Variants in ZNF674 observed in about 807,000 individuals in gnomAD.
ZNF674 encodes the protein zinc finger protein 674.
Under a neutral mutation model 7.0 loss-of-function variants are expected in ZNF674, and 2 were observed. The observed-to-expected ratio is 0.29, with a 90% confidence interval of 0.12 to 0.90. The LOEUF (loss-of-function observed/expected upper bound fraction) is 0.90, where lower values mean the gene tolerates loss of function less well. ZNF674 is among the 40% of genes least tolerant of loss of function. The pLI, the probability that ZNF674 is intolerant of heterozygous loss-of-function variation, is 0.57. For missense variants in ZNF674, 297 were observed against 415.5 expected (o/e 0.71, Z 2.48); for synonymous variants, 103 against 145.2 (o/e 0.71, Z 2.09).
chrX:46,519,250 AT>A (rs1320066013), intron 5 of ZNF674, among the ~76,000 whole-genome samples: 4 of 74,946 alleles, frequency 5.3e-5, no homozygotes, highest in African/African-American at 1.0e-4. Flanking sequence ...AGATAGATAG[AT>A]AGATAGATAG....
intron 5 of ZNF674, among the ~76,000 whole-genome samples, chrX:46,509,377 G>A (rs1460670422): frequency 5.4e-5 from 6 of 110,831 alleles, no homozygotes; most frequent in East Asian, 2.8e-4. Context: ...GAACATTTTC[G>A]CAACCTACCC....
rs1942361351 is a variant in ZNF674, at chrX:46,545,414, C to T, written c.-184G>A. 8.8e-6 allele frequency: 1 copy of T among 113,027 alleles called. No homozygotes were observed. Among genetic ancestry groups the T allele is most frequent in the East Asian group, 2.8e-4 (1 of 3,593 alleles). The allele number at this position is 113,027 out of a possible 1,213,427, so 9.3% of individuals were successfully genotyped here. On this transcript the variant is annotated 5_prime_UTR_variant, in exon 1 of 6. Coordinates refer to ENST00000683375, the MANE Select transcript of ZNF674 (RefSeq NM_001190417.2). ...AAACCTCAGGGGCGGATGACAACAG[C>T]CAGTGTGAACGAAGCGCCACCCTCC...
At chrX:46,533,829 A>AATAT (rs1197442802) in intron 3 of ZNF674, among the ~76,000 whole-genome samples, 702 of 65,331 alleles carry the variant, frequency 0.011, 32 homozygotes, top group African/African-American at 0.045. Flanking sequence ...AAAAAAAAAA[A>AATAT]ATATATATAT....
intron 3 of ZNF674, among the ~76,000 whole-genome samples, chrX:46,539,935 T>G (rs1323453935): frequency 9.0e-6 from 1 of 111,153 alleles, no homozygotes; most frequent in Admixed American, 9.6e-5. Flanking sequence ...CACACAGGAG[T>G]GAGCAGACAA....
At position 46,498,153 on chromosome X, in the gene ZNF674, A is replaced by T. The variant is rs1941355579; in HGVS notation, c.*1690T>A. On this transcript the variant is annotated 3_prime_UTR_variant, in exon 6 of 6. Transcript: ENST00000683375. ...TTTCCCAAATTTGCCAGTAGTCTTA[A>T]TTGGTGCATGTTATTTCACCTGACA... 9.0e-6 allele frequency: 1 copy of T among 111,490 alleles called. No individual in the cohort carries two copies. Among genetic ancestry groups the T allele is most frequent in the African/African-American group, 3.3e-5 (1 of 30,715 alleles). The allele number at this position is 111,490 out of a possible 1,213,427, so 9.2% of individuals were successfully genotyped here.
At chrX:46,533,804 C>T (rs1178851539) in intron 3 of ZNF674, among the ~76,000 whole-genome samples, 2 of 64,537 alleles carry the variant, frequency 3.1e-5, no homozygotes, top group Admixed American at 1.9e-4. Flanking sequence ...AGAGTGAGAC[C>T]CTGTCTCAAA....
intron 5 of ZNF674, among the ~76,000 whole-genome samples, chrX:46,518,428 G>A (rs1457185985): frequency 9.0e-6 from 1 of 111,069 alleles, no homozygotes; most frequent in Non-Finnish European, 1.9e-5. Flanking sequence ...GACTATCTTA[G>A]TATCTACAGC....
At chrX:46,515,606 C>A (rs943088621) in intron 5 of ZNF674, among the ~76,000 whole-genome samples, 6 of 110,861 alleles carry the variant, frequency 5.4e-5, no homozygotes, top group African/African-American at 2.0e-4. Flanking sequence ...ACTTACCAAA[C>A]TGTTTGCTTT....
chrX:46,521,101 C>T (rs1372180609), intron 5 of ZNF674, among the ~76,000 whole-genome samples: 5 of 107,761 alleles, frequency 4.6e-5, no homozygotes, highest in Admixed American at 1.0e-4. Context: ...GCGGAAGAAT[C>T]GCTTGAGCCC....
chrX:46,528,270 T>C, intron 5 of ZNF674, 80 bp downstream of exon 5: 2 of 987,281 alleles, frequency 2.0e-6, no homozygotes, highest in Non-Finnish European at 2.9e-6. Context: ...GAAGAGCTCC[T>C]GAGCACATCC....
intron 5 of ZNF674, among the ~76,000 whole-genome samples, chrX:46,519,273 T>TGATTGATAGATA (rs1556015427): frequency 2.3e-4 from 17 of 75,071 alleles, no homozygotes; most frequent in Non-Finnish European, 4.0e-4. Flanking sequence ...TAAAGATAGA[T>TGATTGATAGATA]GATAGATAGA....
chrX:46,543,155 T>C (rs750264680), intron 2 of ZNF674, among the ~76,000 whole-genome samples: 1 of 110,863 alleles, frequency 9.0e-6, no homozygotes, highest in South Asian at 3.8e-4. Context: ...GGTTTCATCA[T>C]GTTGGTCAGG....
At chrX:46,538,452 C>T (rs1942238034) in intron 3 of ZNF674, among the ~76,000 whole-genome samples, 1 of 111,666 alleles carries the variant, frequency 9.0e-6, no homozygotes, top group Admixed American at 9.6e-5. Context: ...AAAATATTTG[C>T]AACATATATG....
chrX:46,527,262 C>CAA (rs555027642), intron 5 of ZNF674, among the ~76,000 whole-genome samples: 6 of 65,569 alleles, frequency 9.2e-5, no homozygotes, highest in Admixed American at 1.8e-4. Context: ...GACTCCATCT[C>CAA]AAAAAAAAAA....
rs56158505 is a variant in ZNF674, at chrX:46,505,768, T to TCACACACACACACA, written c.239-4447_239-4434dup. The stretch of plus-strand genomic sequence containing the variant: ...CCTGGGCTAAAAGAGCAAAACTCTG[T>TCACACACACACACA]CACACACACACACACACACACACAC... On this transcript the variant is annotated intron_variant, in intron 5 of 5. Transcript: ENST00000683375. 6.1e-3 allele frequency among the ~76,000 whole-genome samples: 607 copies of TCACACACACACACA among 100,227 alleles called. 3 individuals are homozygous for TCACACACACACACA. Among genetic ancestry groups the TCACACACACACACA allele is most frequent in the East Asian group, 0.015 (49 of 3,221 alleles). 87.0% of individuals were successfully genotyped at this position (100,227 alleles called of 115,157 possible). A position where few individuals can be genotyped will look rare whatever the true frequency, so the allele number is the denominator to read the frequency against.
At chrX:46,519,843 T>C (rs1941874492) in intron 5 of ZNF674, among the ~76,000 whole-genome samples, 1 of 111,320 alleles carries the variant, frequency 9.0e-6, no homozygotes, top group African/African-American at 3.3e-5. Flanking sequence ...AACCTAGATG[T>C]CCTTCAACAG....
intron 5 of ZNF674, among the ~76,000 whole-genome samples, chrX:46,510,392 G>A (rs181412785): frequency 8.9e-4 from 100 of 111,966 alleles, no homozygotes; most frequent in African/African-American, 3.0e-3. Context: ...ATTTATTCAC[G>A]TAATCTACCA....
chrX:46,537,815 G>A (rs1017661109), intron 3 of ZNF674, among the ~76,000 whole-genome samples: 9 of 112,303 alleles, frequency 8.0e-5, no homozygotes, highest in African/African-American at 2.6e-4. Flanking sequence ...AGGGCCAGGC[G>A]TGGTGGCTCA....
intron 3 of ZNF674, among the ~76,000 whole-genome samples, chrX:46,540,769 TA>T (rs999296004): frequency 9.1e-5 from 10 of 110,244 alleles, no homozygotes; most frequent in Non-Finnish European, 1.7e-4. Flanking sequence ...TATACAATAG[TA>T]AAAAAAAATT....
Sources: allele counts gnomAD v4.1 joint callset (sites outside exome capture counted in the v4.1 genomes callset), GRCh38; gene constraint gnomAD v4.1.1; transcripts MANE v1.5; gene names NCBI Gene and HGNC (gene_info 2026-07-23, HGNC 2026-07-21).